NWD1: variants seen among roughly 807,000 people sequenced by gnomAD.
The protein encoded by NWD1 is NACHT and WD repeat domain containing 1.
NWD1 carries 129 observed loss-of-function variants against 135.1 expected under a neutral mutation model. The ratio of observed to expected loss-of-function variants is 0.96; its 90% CI spans 0.83 to 1.11. NWD1 has a LOEUF of 1.11. NWD1 is among the 50% of genes least tolerant of loss of function. NWD1 has a pLI of 0.00. For synonymous variants in NWD1, 773 were observed against 786.0 expected (o/e 0.98, Z 0.28); for missense variants, 1,740 against 1,851.3 (o/e 0.94, Z 1.10).
chr19:16,807,716 C>A lies in NWD1; in HGVS notation c.3867C>A (p.Asp1289Glu), dbSNP rs191463357. 5.0e-6 allele frequency: 8 copies of A among 1,613,708 alleles called. No individual in the cohort carries two copies. Among genetic ancestry groups the A allele is most frequent in the Middle Eastern group, 1.7e-4 (1 of 6,060 alleles). ...TGTTCCCCCTGAATTCCAGGCAGGACGTGATATGCATTCCCCCTCCCGAGG... is the reference window on the plus strand; with the variant it reads ...TGTTCCCCCTGAATTCCAGGCAGGAAGTGATATGCATTCCCCCTCCCGAGG... ...VLVFPLNSRQ[D>E]VICIPPPEAR... Residue 1289 changes from aspartate to glutamate, a missense_variant, in exon 18 of 19, where the codon GAC becomes GAA. By Grantham distance (45) the Asp-to-Glu change is conservative. Transcript: ENST00000524140.
chr19:16,737,105 C>T (rs926214828), intron 4 of NWD1, among the ~76,000 whole-genome samples: 1 of 151,990 alleles, frequency 6.6e-6, no homozygotes, highest in South Asian at 2.1e-4. Flanking sequence ...TGGAAACCCA[C>T]AGGGTCTTGG....
chr19:16,760,870 G>A (rs890495379), intron 7 of NWD1, among the ~76,000 whole-genome samples: 4 of 152,216 alleles, frequency 2.6e-5, no homozygotes, highest in South Asian at 2.1e-4. Flanking sequence ...GGTTACAGGC[G>A]TGAGCCACTG....
At chr19:16,769,959 T>C (rs1476014539) in intron 10 of NWD1, among the ~76,000 whole-genome samples, 1 of 152,158 alleles carries the variant, frequency 6.6e-6, no homozygotes, top group Non-Finnish European at 1.5e-5. Context: ...CACCTCAGCC[T>C]CCCAAGTAGC....
At position 16,750,288 on chromosome 19, in the gene NWD1, T is replaced by C. The variant is rs1968521577; in HGVS notation, c.1646T>C (p.Phe549Ser). 7.4e-6 allele frequency: 12 copies of C among 1,613,634 alleles called. No homozygotes were observed. Among genetic ancestry groups the C allele is most frequent in the Non-Finnish European group, 1.0e-5 (12 of 1,179,918 alleles). Residue 549 changes from phenylalanine to serine, a missense_variant, in exon 6 of 19, where the codon TTC becomes TCC. Phe to Ser is a radical substitution (Grantham distance 155, BLOSUM62 -2). Coordinates refer to ENST00000524140, the MANE Select transcript of NWD1 (RefSeq NM_001007525.5). ...GAGGAAGCCCGGAAATGGGCCTCTT[T>C]CACCGTGCCTGTCCCGCTGGCCACC... The part of the protein sequence containing the change: ...AFEEARKWAS[F>S]TVPVPLATTA...
At position 16,750,373 on chromosome 19, in the gene NWD1, C is replaced by T. The variant is rs1303259520; in HGVS notation, c.1731C>T (p.Leu577=). ...CTRLEQTHGQ[L]LVAHVLGYIV... ...GCCTGGAGCAGACACACGGGCAGCT[C>T]CTCGTGGCCCACGTGCTGGGCTACA... The change falls in exon 6 of 19, where the codon CTC becomes CTT. Residue 577 remains leucine (L), a synonymous_variant. Coordinates refer to ENST00000524140, the MANE Select transcript of NWD1 (RefSeq NM_001007525.5). 1 of 1,602,172 alleles carries T rather than the reference C, an allele frequency of 6.2e-7. No homozygotes were observed. The highest frequency in any genetic ancestry group is 2.2e-5 in the East Asian group (1 of 44,732).
At chr19:16,769,119 G>A (rs1568366249) in intron 10 of NWD1, among the ~76,000 whole-genome samples, 1 of 152,058 alleles carries the variant, frequency 6.6e-6, no homozygotes, top group East Asian at 1.9e-4. Context: ...ATCACTTGAT[G>A]CCAGGTGTTC....
rs376901172 is a variant in NWD1 at position 16,763,997 on chromosome 19, T to G, written c.2251+52T>G. On this transcript the variant is annotated intron_variant, in intron 9 of 18. Coordinates refer to ENST00000524140, the MANE Select transcript of NWD1 (RefSeq NM_001007525.5). ...ACCGAGCCTGGTGACTGCACCACGC[T>G]CCAGTCTTCTAGAGCCTGGGGAGGG... 1.2e-4 allele frequency: 126 copies of G among 1,080,104 alleles called. No homozygotes were observed. The African/African-American group carries it at 1.8e-3, about 15-fold the overall frequency. The allele number at this position is 1,080,104 out of a possible 1,614,324, so 66.9% of individuals were successfully genotyped here. A position where few individuals can be genotyped will look rare whatever the true frequency, so the allele number is the denominator to read the frequency against.
chr19:16,755,428 G>T (rs940868676), intron 6 of NWD1, among the ~76,000 whole-genome samples: 1 of 152,000 alleles, frequency 6.6e-6, no homozygotes, highest in African/African-American at 2.4e-5. Flanking sequence ...TCACTCTGTT[G>T]CTTAGCCTGG....
intron 1 of NWD1, among the ~76,000 whole-genome samples, chr19:16,721,094 C>CCCA (rs1568327168): frequency 6.6e-6 from 1 of 152,076 alleles, no homozygotes; most frequent in African/African-American, 2.4e-5. Context: ...AAGTAATCTG[C>CCCA]CTGTTTTGGC....
Position 16,800,005 on chromosome 19 carries a change from T to G in NWD1, c.3579T>G (p.Ser1193=), listed in dbSNP as rs1970548814. The part of the protein sequence containing the change: ...LVASASPQSS[S]FKVWDLSDAH... Reference sequence around the variant, plus strand: ...CATCTGCTTCCCCACAGTCCTCATCTTTCAAGGTCTGGGATCTCAGCGATG... The same window carrying G: ...CATCTGCTTCCCCACAGTCCTCATCGTTCAAGGTCTGGGATCTCAGCGATG... The change falls in exon 17 of 19, where the codon TCT becomes TCG. Residue 1193 remains serine, a synonymous_variant. Coordinates refer to ENST00000524140, the MANE Select transcript of NWD1 (RefSeq NM_001007525.5). The G allele has an allele frequency of 1.2e-6, 2 of 1,614,104 alleles. No individual in the cohort carries two copies. The highest frequency in any genetic ancestry group is 4.5e-5 in the East Asian group (2 of 44,884).
intron 4 of NWD1, among the ~76,000 whole-genome samples, chr19:16,736,981 G>C (rs1967847426): frequency 6.6e-6 from 1 of 152,164 alleles, no homozygotes; most frequent in African/African-American, 2.4e-5. Flanking sequence ...TTGGAGAGTA[G>C]AATGTTGAAG....
chr19:16,763,807 G>GTCTCCCTTC lies in NWD1; in HGVS notation c.2134-18_2134-10dup, dbSNP rs1348122982. On this transcript the variant is annotated intron_variant, in intron 8 of 18. Coordinates refer to ENST00000524140, the MANE Select transcript of NWD1 (RefSeq NM_001007525.5). ...TGAATGGGTTTGTGTCCAAGCTGCA[G>GTCTCCCTTC]TCTCCCTTCTCCTCTGCCAGGTGGC... 3 of 1,491,320 alleles carry GTCTCCCTTC rather than the reference G, an allele frequency of 2.0e-6. No individual in the cohort carries two copies. The African/African-American group carries it at 4.1e-5, about 21-fold the overall frequency. 92.4% of individuals were successfully genotyped at this position (1,491,320 alleles called of 1,614,324 possible).
At position 16,749,490 on chromosome 19, in the gene NWD1, A is replaced by G; in HGVS notation, c.848A>G (p.Glu283Gly). 1.2e-6 allele frequency: 2 copies of G among 1,611,764 alleles called. No homozygotes were observed. Among genetic ancestry groups the G allele is most frequent in the Non-Finnish European group, 1.7e-6 (2 of 1,178,096 alleles). ...CACCAGGTCCTCACACGCCTCCGTG[A>G]GCTGGATACGGCCGGACAGGAGTTG... The part of the protein sequence containing the change: ...ANHQVLTRLR[E>G]LDTAGQELAW... Residue 283 changes from glutamate to glycine, a missense_variant, in exon 6 of 19, where the codon GAG becomes GGG. Transcript: ENST00000524140.
At chr19:16,750,513 G>GA in intron 6 of NWD1, 102 bp downstream of exon 6, 1 of 919,362 alleles carries the variant, frequency 1.1e-6, no homozygotes, top group Non-Finnish European at 1.6e-6. Context: ...GGAGTGCAGT[G>GA]GTGTGATCAT....
At chr19:16,734,734 C>CTATT (rs58756047) in intron 3 of NWD1, among the ~76,000 whole-genome samples, 8,871 of 141,726 alleles carry the variant, frequency 0.063, 322 homozygotes, top group Middle Eastern at 0.1. Context: ...CTACACCTGG[C>CTATT]TATTTATTTA....
chr19:16,795,486 A>C (rs1252732905), intron 15 of NWD1, among the ~76,000 whole-genome samples: 1 of 145,826 alleles, frequency 6.9e-6, no homozygotes, highest in Non-Finnish European at 1.5e-5. Context: ...GTATGATCTC[A>C]GCTCACTGCA....
Position 16,807,766 on chromosome 19 carries a change from C to T in NWD1, c.3917C>T (p.Ser1306Phe). 1 of 1,613,758 alleles carries T rather than the reference C, an allele frequency of 6.2e-7. No homozygotes were observed. Among genetic ancestry groups the T allele is most frequent in the Middle Eastern group, 1.6e-4 (1 of 6,062 alleles). Residue 1306 changes from serine to phenylalanine, a missense_variant, in exon 18 of 19, where the codon TCC becomes TTC. Physicochemically the swap from Ser to Phe is radical, Grantham distance 155. Coordinates refer to ENST00000524140, the MANE Select transcript of NWD1 (RefSeq NM_001007525.5). ...PEARKAINCM[S>F]LSKCEDRLAI... The stretch of plus-strand genomic sequence containing the variant: ...GCCCGGAAAGCAATCAACTGCATGT[C>T]CCTGAGCAAGTGCGAGGACCGCCTG...
At chr19:16,764,960 A>T (rs1395193670) in intron 9 of NWD1, 74 bp from the exon 10 acceptor site, 2 of 1,501,704 alleles carry the variant, frequency 1.3e-6, no homozygotes, top group Admixed American at 3.5e-5. Flanking sequence ...AAATGGAGAG[A>T]TGATTCTCCA....
chr19:16,776,950 AAAG>A (rs775803941), intron 11 of NWD1, among the ~76,000 whole-genome samples: 50 of 141,066 alleles, frequency 3.5e-4, no homozygotes, highest in South Asian at 7.7e-4. Flanking sequence ...TGAAAAAAAA[AAAG>A]AAGAAGAAAA....
Sources: gnomAD v4.1 joint callset for allele counts (sites outside exome capture counted in the v4.1 genomes callset) on GRCh38, gnomAD v4.1.1 for gene constraint, MANE v1.5 for transcripts, NCBI Gene and HGNC (gene_info 2026-07-23, HGNC 2026-07-21) for gene names.